Variants in RNF144A observed in about 807,000 individuals in gnomAD.
RNF144A encodes E3 ubiquitin-protein ligase RNF144A.
RNF144A carries 11 observed loss-of-function variants against 38.7 expected under a neutral mutation model. The ratio of observed to expected loss-of-function variants is 0.28; its 90% CI spans 0.18 to 0.47. The LOEUF (loss-of-function observed/expected upper bound fraction) is 0.47, where lower values mean the gene tolerates loss of function less well. Among genes scored for constraint, RNF144A ranks in the 20% least tolerant of loss-of-function variants. The pLI is 0.99. For synonymous variants in RNF144A, 149 were observed against 143.9 expected (o/e 1.04, Z -0.25); for missense variants, 316 against 377.2 (o/e 0.84, Z 1.34).
chr2:6,919,669 A>G (rs955173312), intron 1 of RNF144A, among the ~76,000 whole-genome samples: 13 of 152,208 alleles, frequency 8.5e-5, no homozygotes, highest in South Asian at 2.1e-4. Flanking sequence ...CACCTGCATC[A>G]GGCATCAAAG....
At chr2:7,068,485 G>T (rs564047847), downstream of RNF144A, among the ~76,000 whole-genome samples, 6 of 152,316 alleles carry the variant, frequency 3.9e-5, no homozygotes, top group African/African-American at 1.4e-4. Flanking sequence ...ACAATAAGCA[G>T]AAGAAGCAGA....
chr2:7,037,498 A>G (rs1183349345), intron 8 of RNF144A, among the ~76,000 whole-genome samples: 1 of 152,218 alleles, frequency 6.6e-6, no homozygotes, highest in Non-Finnish European at 1.5e-5. Context: ...CGTGCACGTG[A>G]TTTCAGTAAA....
At chr2:7,039,545 T>C in intron 8 of RNF144A, 84 bp from the exon 9 acceptor site, 1 of 1,553,618 alleles carries the variant, frequency 6.4e-7, no homozygotes, top group East Asian at 2.3e-5. Context: ...GATGGATGGG[T>C]AGCTGGTTGT....
chr2:6,938,830 T>C (rs1665773407), intron 1 of RNF144A, among the ~76,000 whole-genome samples: 1 of 152,222 alleles, frequency 6.6e-6, no homozygotes, highest in South Asian at 2.1e-4. Flanking sequence ...TTTCATATAA[T>C]ATATGTCCTT....
intron 5 of RNF144A, among the ~76,000 whole-genome samples, chr2:7,018,249 G>A (rs920295855): frequency 2.0e-5 from 3 of 152,200 alleles, no homozygotes; most frequent in African/African-American, 7.2e-5. Context: ...GAGCTATATC[G>A]GGAGGAGAGC....
At chr2:6,994,684 A>G (rs1254880426) in intron 2 of RNF144A, among the ~76,000 whole-genome samples, 1 of 152,148 alleles carries the variant, frequency 6.6e-6, no homozygotes, top group African/African-American at 2.4e-5. Context: ...ATGCTTGTTT[A>G]AACTATCTTG....
intron 6 of RNF144A, among the ~76,000 whole-genome samples, chr2:7,063,809 TA>T (rs1238491885): frequency 6.6e-6 from 1 of 152,222 alleles, no homozygotes; most frequent in Non-Finnish European, 1.5e-5. Flanking sequence ...CCAGTGGCAA[TA>T]AGGAGATCGT....
At chr2:7,034,772 T>G (rs538961818) in intron 8 of RNF144A, among the ~76,000 whole-genome samples, 2 of 152,264 alleles carry the variant, frequency 1.3e-5, no homozygotes, top group East Asian at 3.9e-4. Context: ...TCCTAAATAC[T>G]GGATGTTGCA....
intron 5 of RNF144A, among the ~76,000 whole-genome samples, chr2:7,018,522 TG>T (rs1671295546): frequency 6.6e-6 from 1 of 152,222 alleles, no homozygotes; most frequent in Non-Finnish European, 1.5e-5. Context: ...TGCCCCAGGC[TG>T]GCATGTGCAC....
intron 2 of RNF144A, among the ~76,000 whole-genome samples, chr2:6,972,556 A>G (rs145511204): frequency 1.0e-3 from 153 of 152,160 alleles, no homozygotes; most frequent in African/African-American, 3.6e-3. Context: ...CCCCTTGACA[A>G]TCCTTTTCCT....
At chr2:6,977,945 A>G (rs1668410319) in intron 2 of RNF144A, among the ~76,000 whole-genome samples, 2 of 152,314 alleles carry the variant, frequency 1.3e-5, no homozygotes, top group East Asian at 1.9e-4. Flanking sequence ...CCTTTAAGAT[A>G]CATCACCCTG....
At chr2:7,063,852 T>C (rs1674076489) in intron 6 of RNF144A, among the ~76,000 whole-genome samples, 2 of 152,248 alleles carry the variant, frequency 1.3e-5, no homozygotes, top group African/African-American at 4.8e-5. Context: ...CTTCATAAAA[T>C]ATGCCTTAGT....
chr2:7,069,701 A>T (rs192857093), downstream of RNF144A, among the ~76,000 whole-genome samples: 1 of 152,332 alleles, frequency 6.6e-6, no homozygotes, highest in African/African-American at 2.4e-5. Context: ...CAAATTTTGG[A>T]GAGTTGAGCA....
At chr2:6,967,704 G>A (rs549844196) in intron 2 of RNF144A, among the ~76,000 whole-genome samples, 2 of 152,270 alleles carry the variant, frequency 1.3e-5, no homozygotes, top group South Asian at 4.1e-4. Context: ...ATCTACAACT[G>A]TTTCCTTGGC....
chr2:7,066,745 C>T (rs1300367339), intron 6 of RNF144A, among the ~76,000 whole-genome samples: 1 of 152,202 alleles, frequency 6.6e-6, no homozygotes, highest in Non-Finnish European at 1.5e-5. Context: ...GGTTCACTTA[C>T]ATAGTTTTCT....
At chr2:6,953,386 G>C (rs1666809396) in intron 2 of RNF144A, among the ~76,000 whole-genome samples, 1 of 152,174 alleles carries the variant, frequency 6.6e-6, no homozygotes, top group African/African-American at 2.4e-5. Flanking sequence ...CCAAGATCGT[G>C]CCACTGCATT....
intron 6 of RNF144A, among the ~76,000 whole-genome samples, chr2:7,023,320 T>G (rs1207717245): frequency 1.3e-5 from 2 of 152,196 alleles, no homozygotes; most frequent in Non-Finnish European, 2.9e-5. Context: ...CATTTAATGC[T>G]CATATTGACT....
intron 2 of RNF144A, among the ~76,000 whole-genome samples, chr2:6,947,114 T>C (rs1022752530): frequency 6.6e-6 from 1 of 152,130 alleles, no homozygotes; most frequent in African/African-American, 2.4e-5. Context: ...AAGTGAAAAG[T>C]TGGAACAAAA....
At chr2:7,000,660 G>A (rs1376272306) in intron 3 of RNF144A, among the ~76,000 whole-genome samples, 1 of 151,950 alleles carries the variant, frequency 6.6e-6, no homozygotes, top group Non-Finnish European at 1.5e-5. Flanking sequence ...CCAAAGGTGG[G>A]AACATGTGAA....
Sources: allele counts gnomAD v4.1 joint callset (sites outside exome capture counted in the v4.1 genomes callset), GRCh38; gene constraint gnomAD v4.1.1; transcripts MANE v1.5; gene names NCBI Gene and HGNC (gene_info 2026-07-23, HGNC 2026-07-21).